The following KCNG2 variants were observed in gnomAD, a reference collection of about 807,000 sequenced individuals.
KCNG2 encodes the protein voltage-gated potassium channel regulatory subunit KCNG2.
Under a neutral mutation model 12.3 loss-of-function variants are expected in KCNG2, and 7 were observed. The observed-to-expected ratio is 0.57, with a 90% confidence interval of 0.32 to 1.07. The LOEUF (loss-of-function observed/expected upper bound fraction) is 1.07. KCNG2 is among the 50% of genes least tolerant of loss of function. The probability of loss-of-function intolerance (pLI) is 0.04; values close to 1 mark genes in which losing one functional copy is unlikely to be tolerated. For missense variants in KCNG2, 703 were observed against 726.0 expected (o/e 0.97, Z 0.36); for synonymous variants, 414 against 351.4 (o/e 1.18, Z -1.99).
Position 79,877,184 on chromosome 18 carries a change from G to A in KCNG2, c.624+12893G>A, listed in dbSNP as rs1980108054. ...AGAAAAAACCTCAATTCAGTTCAAA[G>A]TCAAACTGTTATGAATTCATAGTTA... On this transcript the variant is annotated intron_variant, in intron 3 of 3. Transcript: ENST00000316249. Among the ~76,000 whole-genome samples, 3 of 152,332 alleles carry A rather than the reference G, an allele frequency of 2.0e-5. No homozygotes were observed. The South Asian group carries it at 6.2e-4, about 32-fold the overall frequency.
intron 3 of KCNG2, among the ~76,000 whole-genome samples, chr18:79,869,054 G>A (rs761245008): frequency 6.6e-6 from 1 of 152,210 alleles, no homozygotes; most frequent in Non-Finnish European, 1.5e-5. Context: ...TGTCCCAGGT[G>A]CAGGGGTGGG....
chr18:79,865,015 C>T (rs1236744101), intron 3 of KCNG2, among the ~76,000 whole-genome samples: 1 of 73,018 alleles, frequency 1.4e-5, no homozygotes, highest in African/African-American at 3.7e-5. Context: ...GTGCTGAGGT[C>T]TCGGTGCCGA....
At chr18:79,828,780 C>CCATGA (rs1240960151) in intron 1 of KCNG2, among the ~76,000 whole-genome samples, 2 of 114,758 alleles carry the variant, frequency 1.7e-5, no homozygotes, top group African/African-American at 6.9e-5. Context: ...TGTAACGTGT[C>CCATGA]TGTGTGTGCA....
At chr18:79,832,992 G>A (rs1978304517) in intron 1 of KCNG2, among the ~76,000 whole-genome samples, 1 of 152,086 alleles carries the variant, frequency 6.6e-6, no homozygotes, top group Non-Finnish European at 1.5e-5. Context: ...AAGGAAAGTA[G>A]CCTGGTTTCC....
intron 3 of KCNG2, among the ~76,000 whole-genome samples, chr18:79,895,187 T>A (rs1396581069): frequency 6.6e-6 from 1 of 151,852 alleles, no homozygotes; most frequent in Non-Finnish European, 1.5e-5. Context: ...GGTTGTTCAC[T>A]CCATTCATAA....
At chr18:79,870,943 G>A (rs146805401) in intron 3 of KCNG2, among the ~76,000 whole-genome samples, 20 of 152,240 alleles carry the variant, frequency 1.3e-4, no homozygotes, top group Admixed American at 3.9e-4. Context: ...ATTGGCAGGC[G>A]TCAGCTCACC....
At chr18:79,871,726 C>T (rs1390479656) in intron 3 of KCNG2, among the ~76,000 whole-genome samples, 4 of 152,216 alleles carry the variant, frequency 2.6e-5, no homozygotes, top group Non-Finnish European at 4.4e-5. Context: ...GGCAGAGCCT[C>T]TGCGTCCGTC....
chr18:79,849,223 T>C (rs1978730227), intron 1 of KCNG2, among the ~76,000 whole-genome samples: 1 of 152,190 alleles, frequency 6.6e-6, no homozygotes, highest in South Asian at 2.1e-4. Flanking sequence ...CAGAGGGGCC[T>C]CCGAGCGTGG....
intron 3 of KCNG2, among the ~76,000 whole-genome samples, chr18:79,888,075 G>A (rs1032030499): frequency 2.0e-5 from 3 of 152,326 alleles, no homozygotes; most frequent in African/African-American, 4.8e-5. Flanking sequence ...TTTTACCACA[G>A]TTTTTAAAAT....
intron 3 of KCNG2, among the ~76,000 whole-genome samples, chr18:79,878,891 G>A (rs117238111): frequency 0.016 from 2,366 of 152,346 alleles, 25 homozygotes; most frequent in Non-Finnish European, 0.023. Flanking sequence ...GGGAGATGCC[G>A]GCAGCCCACC....
At chr18:79,811,296 G>A (rs1248706890) in intron 1 of KCNG2, among the ~76,000 whole-genome samples, 1 of 152,210 alleles carries the variant, frequency 6.6e-6, no homozygotes, top group African/African-American at 2.4e-5. Flanking sequence ...GAACAAAGTT[G>A]GAGTTCTCAC....
chr18:79,861,172 C>T (rs999755988), intron 2 of KCNG2, among the ~76,000 whole-genome samples: 11 of 151,638 alleles, frequency 7.3e-5, no homozygotes, highest in African/African-American at 2.2e-4. Context: ...CTATGGTAAA[C>T]GATCAAATGG....
intron 3 of KCNG2, among the ~76,000 whole-genome samples, chr18:79,887,139 CGGACAGGGACACGGGGACAGAGGGACAA>C (rs1381736724): frequency 7.1e-6 from 1 of 141,118 alleles, no homozygotes; most frequent in Non-Finnish European, 1.5e-5. Flanking sequence ...CCTAGGGACA[CGGACAGGGACACGGGGACAGAGGGACAA>C]GGACACAGGG....
At chr18:79,887,442 C>G (rs1980569028) in intron 3 of KCNG2, among the ~76,000 whole-genome samples, 1 of 152,116 alleles carries the variant, frequency 6.6e-6, no homozygotes, top group African/African-American at 2.4e-5. Context: ...GCAGGTGTTT[C>G]AAGGTTCACG....
chr18:79,811,108 A>G (rs188887165), intron 1 of KCNG2, among the ~76,000 whole-genome samples: 1 of 152,360 alleles, frequency 6.6e-6, no homozygotes, highest in African/African-American at 2.4e-5. Flanking sequence ...AAGACATCCC[A>G]TGTTCACGGA....
chr18:79,871,445 A>G (rs974560152), intron 3 of KCNG2, among the ~76,000 whole-genome samples: 24 of 152,320 alleles, frequency 1.6e-4, no homozygotes, highest in African/African-American at 5.3e-4. Flanking sequence ...TGATTTCTTC[A>G]GAAAGAGCAG....
chr18:79,887,342 C>T (rs1041812406), intron 3 of KCNG2, among the ~76,000 whole-genome samples: 16 of 152,044 alleles, frequency 1.1e-4, no homozygotes, highest in Non-Finnish European at 1.8e-4. Context: ...CCAGAGGCCA[C>T]GGGACTGTTT....
intron 1 of KCNG2, among the ~76,000 whole-genome samples, chr18:79,825,910 T>C (rs900019940): frequency 1.3e-5 from 2 of 152,248 alleles, no homozygotes; most frequent in East Asian, 1.9e-4. Flanking sequence ...CGTCTGCCCA[T>C]GGACGGCAGG....
intron 1 of KCNG2, among the ~76,000 whole-genome samples, chr18:79,849,712 G>A (rs997632545): frequency 2.6e-5 from 4 of 152,226 alleles, no homozygotes; most frequent in Admixed American, 1.3e-4. Context: ...TGGGGCCACC[G>A]GAAGCCTTGT....
Sources: allele counts gnomAD v4.1 joint callset (sites outside exome capture counted in the v4.1 genomes callset), GRCh38; gene constraint gnomAD v4.1.1; transcripts MANE v1.5; gene names NCBI Gene and HGNC (gene_info 2026-07-23, HGNC 2026-07-21).